Variants in BCAS3 observed in about 807,000 individuals in gnomAD.
The protein encoded by BCAS3 is BCAS4/BCAS3 fusion.
A neutral mutation model predicts 116.1 loss-of-function variants in BCAS3; 53 were observed. The ratio of observed to expected loss-of-function variants is 0.46; its 90% CI spans 0.37 to 0.57. The LOEUF (loss-of-function observed/expected upper bound fraction) is 0.57. Among genes scored for constraint, BCAS3 ranks in the 20% least tolerant of loss-of-function variants. The probability of loss-of-function intolerance (pLI) is 0.00; values close to 1 mark genes in which losing one functional copy is unlikely to be tolerated. For missense variants in BCAS3, 917 were observed against 1,165.4 expected (o/e 0.79, Z 3.10); for synonymous variants, 391 against 408.2 (o/e 0.96, Z 0.51).
intron 15 of BCAS3, among the ~76,000 whole-genome samples, chr17:61,005,380 A>G (rs892700055): frequency 6.6e-6 from 1 of 152,030 alleles, no homozygotes; most frequent in African/African-American, 2.4e-5. Context: ...TGAGGAAAAT[A>G]TGTAAGCATA....
rs2069364374 is a variant in BCAS3 at position 61,056,181 on chromosome 17, G to A, written c.2029+15289G>A. On this transcript the variant is annotated intron_variant, in intron 19 of 23. Transcript: ENST00000407086. The surrounding 1 kb of genome is among the most constrained non-coding windows in gnomAD (Gnocchi z 4.9). ...GCTCCAAGTGTATAGACAGACTTGG[G>A]AAGAGATGGAGATAGAAATTGATTA... 6.6e-6 allele frequency among the ~76,000 whole-genome samples: 1 copy of A among 152,162 alleles called. No homozygotes were observed. The highest frequency in any genetic ancestry group is 2.1e-4 in the South Asian group (1 of 4,830).
At chr17:61,111,503 G>T (rs1194066598) in intron 22 of BCAS3, among the ~76,000 whole-genome samples, 1 of 151,984 alleles carries the variant, frequency 6.6e-6, no homozygotes, top group African/African-American at 2.4e-5. Context: ...AAGATGAAAT[G>T]AATGAAATGA....
chr17:61,212,383 G>T (rs893155426), intron 22 of BCAS3, among the ~76,000 whole-genome samples: 15 of 152,066 alleles, frequency 9.9e-5, no homozygotes, highest in Non-Finnish European at 5.9e-5. Context: ...GATAACTAGT[G>T]AGGGCCACCA....
At chr17:60,729,633 T>C (rs1434685171) in intron 5 of BCAS3, among the ~76,000 whole-genome samples, 1 of 152,218 alleles carries the variant, frequency 6.6e-6, no homozygotes, top group Non-Finnish European at 1.5e-5. Context: ...CCTTGGTTAA[T>C]TATCTATTGC....
At chr17:60,851,294 T>C (rs888357275) in intron 7 of BCAS3, 2 of 289,276 alleles carry the variant, frequency 6.9e-6, no homozygotes, top group South Asian at 3.4e-5. Context: ...GCAGGAGGAG[T>C]GGCAGCAGCC....
intron 5 of BCAS3, among the ~76,000 whole-genome samples, chr17:60,725,702 C>T (rs1193656957): frequency 6.6e-6 from 1 of 152,120 alleles, no homozygotes; most frequent in Admixed American, 6.5e-5. Flanking sequence ...ACTCCTCGAA[C>T]AAAGAATTGT....
intron 12 of BCAS3, among the ~76,000 whole-genome samples, chr17:60,919,625 CT>C (rs1170535173): frequency 6.6e-6 from 1 of 151,614 alleles, no homozygotes; most frequent in Non-Finnish European, 1.5e-5. Flanking sequence ...GCCCGGCCCA[CT>C]TCTAATTTTT....
At chr17:60,924,177 T>C (rs766183596) in intron 12 of BCAS3, among the ~76,000 whole-genome samples, 1 of 152,196 alleles carries the variant, frequency 6.6e-6, no homozygotes, top group Non-Finnish European at 1.5e-5. Context: ...TCATCTACAG[T>C]CAAGTCAGCT....
intron 15 of BCAS3, among the ~76,000 whole-genome samples, chr17:60,991,344 C>G (rs909611306): frequency 3.9e-5 from 6 of 152,166 alleles, no homozygotes; most frequent in Admixed American, 3.9e-4. Flanking sequence ...ATCCTTTCTA[C>G]TACTGCTGAT....
chr17:60,758,476 G>A (rs1163705433), intron 6 of BCAS3, among the ~76,000 whole-genome samples: 1 of 152,070 alleles, frequency 6.6e-6, no homozygotes, highest in Non-Finnish European at 1.5e-5. Context: ...CCGCCTTCCG[G>A]TTCAAACAGT....
intron 22 of BCAS3, among the ~76,000 whole-genome samples, chr17:61,295,954 CAAAAA>C (rs11332478): frequency 3.8e-5 from 3 of 79,948 alleles, no homozygotes; most frequent in African/African-American, 7.8e-5. Context: ...GACTCCGTCT[CAAAAA>C]AAAAAAAAAA....
intron 22 of BCAS3, among the ~76,000 whole-genome samples, chr17:61,338,119 A>G (rs1217813591): frequency 1.3e-5 from 2 of 152,244 alleles, no homozygotes; most frequent in Non-Finnish European, 2.9e-5. Flanking sequence ...ATGAATAACC[A>G]TAAATCCACT....
rs1349519567 is a variant in BCAS3, at chr17:61,211,166, A to G, written c.2425+126602A>G. Among the ~76,000 whole-genome samples, 1 of 152,212 alleles carries G rather than the reference A, an allele frequency of 6.6e-6. No individual in the cohort carries two copies. The highest frequency in any genetic ancestry group is 2.4e-5 in the African/African-American group (1 of 41,444). ...TATTCAGAAGAAATGGAATGACGTT[A>G]AAATTCTCCCAAAAAAGGTTGGAAC... On this transcript the variant is annotated intron_variant, in intron 22 of 23. Transcript: ENST00000407086. This position sits in a 1 kb window ranked among gnomAD's most constrained non-coding sequence, Gnocchi z 4.4.
chr17:60,995,515 C>G lies in BCAS3; in HGVS notation c.1486+5280C>G, dbSNP rs781467891. Among the ~76,000 whole-genome samples the G allele has an allele frequency of 6.6e-6, 1 of 152,088 alleles. No homozygotes were observed. The highest frequency in any genetic ancestry group is 1.5e-5 in the Non-Finnish European group (1 of 68,012). ...GTTTCACAATGTTGGCCAGGCTGGT[C>G]TCAAACTCCTGACCTCAAGTGATCC... is the stretch of plus-strand genomic sequence containing the variant. On this transcript the variant is annotated intron_variant, in intron 15 of 23. Coordinates refer to ENST00000407086, the MANE Select transcript of BCAS3 (RefSeq NM_017679.5). This position sits in a 1 kb window ranked among gnomAD's most constrained non-coding sequence, Gnocchi z 4.7.
chr17:60,987,638 A>G (rs1158578867), intron 14 of BCAS3, among the ~76,000 whole-genome samples: 1 of 151,948 alleles, frequency 6.6e-6, no homozygotes, highest in Non-Finnish European at 1.5e-5. Context: ...GATTGTTCAC[A>G]TTTGGCATGT....
chr17:60,865,865 T>C (rs771836804), intron 7 of BCAS3, among the ~76,000 whole-genome samples: 6 of 152,190 alleles, frequency 3.9e-5, no homozygotes, highest in Non-Finnish European at 7.4e-5. Context: ...TTTATTCTTA[T>C]ATCTGTAGAT....
chr17:61,077,380 G>A lies in BCAS3; in HGVS notation c.2131-953G>A, dbSNP rs1410000955. ...AAAATACAAAAAATTAGCCGGGCGT[G>A]GTGGCGGGCGCCTGTAGTCCCAGCT... On this transcript the variant is annotated intron_variant, in intron 20 of 23. Coordinates refer to ENST00000407086, the MANE Select transcript of BCAS3 (RefSeq NM_017679.5). This position sits in a 1 kb window ranked among gnomAD's most constrained non-coding sequence, Gnocchi z 4.3. 6.6e-6 allele frequency among the ~76,000 whole-genome samples: 1 copy of A among 152,112 alleles called. No homozygotes were observed. The highest frequency in any genetic ancestry group is 1.5e-5 in the Non-Finnish European group (1 of 68,022).
rs71370187 is a variant in BCAS3, at chr17:61,089,509, C to CT, written c.2425+4983dup. ...TTTTTCTTCGAGACGGAGTTTCACT[C>CT]TTTTTTTTTTTTTTTTTTTTTTTTT... is the stretch of plus-strand genomic sequence containing the variant. On this transcript the variant is annotated intron_variant, in intron 22 of 23. Coordinates refer to ENST00000407086, the MANE Select transcript of BCAS3 (RefSeq NM_017679.5). Among the ~76,000 whole-genome samples the CT allele has an allele frequency of 7.0e-3, 188 of 26,742 alleles. 85 individuals are homozygous for CT. Among genetic ancestry groups the CT allele is most frequent in the Non-Finnish European group, 9.4e-3 (141 of 14,934 alleles). The allele number at this position is 26,742 out of a possible 152,430, so 17.5% of individuals were successfully genotyped here.
intron 10 of BCAS3, among the ~76,000 whole-genome samples, chr17:60,897,889 T>A (rs1292420622): frequency 5.5e-5 from 8 of 145,058 alleles, no homozygotes; most frequent in East Asian, 2.0e-4. Context: ...CTAATTTTTT[T>A]AATTTTTATT....
Sources: allele counts gnomAD v4.1 joint callset (sites outside exome capture counted in the v4.1 genomes callset), GRCh38; gene constraint gnomAD v4.1.1; non-coding constraint Gnocchi (gnomAD v3.1); transcripts MANE v1.5; gene names NCBI Gene and HGNC (gene_info 2026-07-23, HGNC 2026-07-21).